The following TRMT11 variants were observed in gnomAD, a reference collection of about 807,000 sequenced individuals.
TRMT11 encodes tRNA (guanine(10)-N(2))-methyltransferase TRMT11.
TRMT11 carries 53 observed loss-of-function variants against 62.8 expected under a neutral mutation model. That is an observed-to-expected ratio of 0.84 (90% CI 0.68 to 1.06). The LOEUF is 1.06. TRMT11 is among the 50% of genes least tolerant of loss of function. The pLI, the probability that TRMT11 is intolerant of heterozygous loss-of-function variation, is 0.00. For synonymous variants in TRMT11, 188 were observed against 190.3 expected, an observed-to-expected ratio of 0.99 and a Z score of 0.10; for missense variants, 556 against 553.4, an observed-to-expected ratio of 1.00 and a Z score of -0.05.
chr6:126,049,839 A>G (rs925129891), intron 16 of TRMT11, among the ~76,000 whole-genome samples: 1 of 152,226 alleles, frequency 6.6e-6, no homozygotes, highest in Non-Finnish European at 1.5e-5. Context: ...GGAAAGAAGC[A>G]CATTTCAGAT....
chr6:126,218,807 C>T, the TRMT11 span, among the ~76,000 whole-genome samples: 5,135 of 152,228 alleles, frequency 0.034, 266 homozygotes, highest in African/African-American at 0.12. Context: ...GTGGCCTATG[C>T]TGCTTTTCAA....
At chr6:126,143,749 A>C (rs1777944849) in intron 21 of TRMT11, among the ~76,000 whole-genome samples, 1 of 152,178 alleles carries the variant, frequency 6.6e-6, no homozygotes. Context: ...AAATTGGAAA[A>C]ACTCATGACA....
intron 21 of TRMT11, among the ~76,000 whole-genome samples, chr6:126,132,374 C>T (rs190661933): frequency 6.6e-6 from 1 of 151,982 alleles, no homozygotes; most frequent in African/African-American, 2.4e-5. Flanking sequence ...TGGAATATCC[C>T]AAGAAAGTGA....
intron 21 of TRMT11, among the ~76,000 whole-genome samples, chr6:126,144,751 C>T (rs1356444671): frequency 6.6e-6 from 1 of 152,106 alleles, no homozygotes; most frequent in Non-Finnish European, 1.5e-5. Flanking sequence ...TTTTAATTCT[C>T]TCTTGTTTAT....
intron 17 of TRMT11, among the ~76,000 whole-genome samples, chr6:126,096,366 A>G (rs1777339602): frequency 6.6e-6 from 1 of 152,126 alleles, no homozygotes; most frequent in African/African-American, 2.4e-5. Flanking sequence ...GGATCTGCAC[A>G]ATGGAAGACC....
rs1347012972 is a variant in TRMT11 at position 125,998,330 on chromosome 6, C to A, written c.387+15C>A. Reference sequence around the variant, plus strand: ...AGCGAATAGATGTAAGTAAATTTAGCAAAACAAAAAACCTACATGATGAAT... The same window carrying A: ...AGCGAATAGATGTAAGTAAATTTAGAAAAACAAAAAACCTACATGATGAAT... On this transcript the variant is annotated intron_variant, in intron 5 of 12. Coordinates refer to ENST00000334379, the MANE Select transcript of TRMT11 (RefSeq NM_001031712.3). The A allele has an allele frequency of 1.3e-6, 2 of 1,535,628 alleles. No homozygotes were observed. The highest frequency in any genetic ancestry group is 1.8e-5 in the Admixed American group (1 of 55,868).
chr6:126,077,663 CTG>C (rs1777058488), intron 17 of TRMT11, among the ~76,000 whole-genome samples: 1 of 152,194 alleles, frequency 6.6e-6, no homozygotes, highest in Non-Finnish European at 1.5e-5. Context: ...AGAACAACAT[CTG>C]TTGTCAACCA....
intron 17 of TRMT11, among the ~76,000 whole-genome samples, chr6:126,066,601 C>A (rs1266992594): frequency 6.6e-6 from 1 of 152,138 alleles, no homozygotes; most frequent in Non-Finnish European, 1.5e-5. Flanking sequence ...CTGAAACCAT[C>A]CCACTGGGGG....
the TRMT11 span, among the ~76,000 whole-genome samples, chr6:126,220,188 A>G: frequency 6.6e-6 from 1 of 152,228 alleles, no homozygotes; most frequent in Admixed American, 6.5e-5. Flanking sequence ...TTGCCTAGCC[A>G]TGTCTAACTA....
chr6:126,091,256 T>C (rs551013820), intron 17 of TRMT11, among the ~76,000 whole-genome samples: 1 of 152,192 alleles, frequency 6.6e-6, no homozygotes, highest in South Asian at 2.1e-4. Context: ...TATTTTAAGT[T>C]CAGCTTAAAC....
At chr6:126,086,634 T>C (rs543931035) in intron 17 of TRMT11, among the ~76,000 whole-genome samples, 1 of 152,330 alleles carries the variant, frequency 6.6e-6, no homozygotes, top group African/African-American at 2.4e-5. Flanking sequence ...CTGCCTACAG[T>C]ACTTCAGCAA....
At chr6:126,012,503 A>G (rs185669950) in intron 9 of TRMT11, among the ~76,000 whole-genome samples, 3 of 152,312 alleles carry the variant, frequency 2.0e-5, no homozygotes, top group Admixed American at 1.3e-4. Context: ...AGAGTCAGGT[A>G]TTGCATTTCG....
At chr6:126,158,962 C>T (rs745904249) in intron 21 of TRMT11, among the ~76,000 whole-genome samples, 13 of 152,232 alleles carry the variant, frequency 8.5e-5, no homozygotes, top group Non-Finnish European at 1.5e-4. Flanking sequence ...TTCTTTAAAG[C>T]CTCTGGGCTC....
At chr6:126,230,909 G>A in the TRMT11 span, among the ~76,000 whole-genome samples, 1 of 152,000 alleles carries the variant, frequency 6.6e-6, no homozygotes. Flanking sequence ...GGAATAATAC[G>A]TCCTCATTGT....
At chr6:126,111,033 G>T (rs191977484) in intron 17 of TRMT11, among the ~76,000 whole-genome samples, 5 of 152,194 alleles carry the variant, frequency 3.3e-5, no homozygotes, top group Admixed American at 3.3e-4. Context: ...AAGGATATGG[G>T]AGGAGACTTA....
intron 1 of TRMT11, among the ~76,000 whole-genome samples, chr6:125,992,156 T>A (rs1329927314): frequency 6.6e-6 from 1 of 152,244 alleles, no homozygotes; most frequent in East Asian, 1.9e-4. Context: ...AATTTGAAAC[T>A]TGGGTTATCA....
intron 17 of TRMT11, among the ~76,000 whole-genome samples, chr6:126,066,996 G>A (rs1404759340): frequency 6.6e-6 from 1 of 151,630 alleles, no homozygotes; most frequent in African/African-American, 2.4e-5. Flanking sequence ...AGGCCAAGCC[G>A]AGGCAGGCGG....
chr6:126,214,002 T>A, the TRMT11 span, among the ~76,000 whole-genome samples: 1 of 152,096 alleles, frequency 6.6e-6, no homozygotes, highest in Non-Finnish European at 1.5e-5. Flanking sequence ...GAAATGTTCA[T>A]GGTTTTTGTC....
At chr6:125,998,992 G>T (rs1273259019) in intron 6 of TRMT11, among the ~76,000 whole-genome samples, 1 of 150,422 alleles carries the variant, frequency 6.6e-6, no homozygotes, top group Non-Finnish European at 1.5e-5. Context: ...ATAAAGCAGA[G>T]AAAACACAGA....
Sources: gnomAD v4.1 joint callset for allele counts (sites outside exome capture counted in the v4.1 genomes callset) on GRCh38, gnomAD v4.1.1 for gene constraint, MANE v1.5 for transcripts, NCBI Gene and HGNC (gene_info 2026-07-23, HGNC 2026-07-21) for gene names.